The following LARGE1 variants were observed in gnomAD, a reference collection of about 807,000 sequenced individuals.
The protein encoded by LARGE1 is xylosyl- and glucuronyltransferase LARGE1.
In LARGE1, 43 loss-of-function variants were observed where a neutral mutation model predicts 87.6. That is an observed-to-expected ratio of 0.49 (90% CI 0.38 to 0.63). LARGE1 has a LOEUF of 0.63. Among genes scored for constraint, LARGE1 ranks in the 30% least tolerant of loss-of-function variants. The pLI, the probability that LARGE1 is intolerant of heterozygous loss-of-function variation, is 0.00. For synonymous variants in LARGE1, 434 were observed against 394.6 expected, an observed-to-expected ratio of 1.10 and a Z score of -1.18; for missense variants, 802 against 1,000.2, an observed-to-expected ratio of 0.80 and a Z score of 2.67.
chr22:33,650,370 G>A lies in LARGE1; in HGVS notation c.405C>T (p.Cys135=). 2 of 1,614,020 alleles carry A rather than the reference G, an allele frequency of 1.2e-6. No individual in the cohort carries two copies. The highest frequency in any genetic ancestry group is 8.5e-7 in the Non-Finnish European group (1 of 1,180,036). Residue 135 remains cysteine, a synonymous_variant, in exon 3 of 15, where the codon TGC becomes TGT. Transcript: ENST00000397394. ...CCAGGCTCCAGATGCCCTTTACCTCGCATTTCTCCACGACCGGCTGCTGCC... is the reference window on the plus strand; with the variant it reads ...CCAGGCTCCAGATGCCCTTTACCTCACATTTCTCCACGACCGGCTGCTGCC... ...ECGQQPVVEK[C]ETIHVAIVCA...
chr22:33,153,205 T>A, the LARGE1 span, among the ~76,000 whole-genome samples: 166 of 152,296 alleles, frequency 1.1e-3, no homozygotes, highest in Non-Finnish European at 2.1e-3. Flanking sequence ...TTATTTAAAT[T>A]TTTTTAGGCA....
At chr22:33,233,419 G>A (rs1011485919) in intron 11 of LARGE1, among the ~76,000 whole-genome samples, 1 of 152,104 alleles carries the variant, frequency 6.6e-6, no homozygotes, top group Non-Finnish European at 1.5e-5. Context: ...ATGTCTACAG[G>A]TGTCATATGT....
chr22:33,918,090 G>A lies in LARGE1; in HGVS notation c.-83+1905C>T, dbSNP rs149122624. Among the ~76,000 whole-genome samples, 384 of 152,312 alleles carry A rather than the reference G, an allele frequency of 2.5e-3. 2 individuals carry two copies. Among genetic ancestry groups the A allele is most frequent in the African/African-American group, 8.8e-3 (366 of 41,574 alleles). On this transcript the variant is annotated intron_variant, in intron 1 of 14. Coordinates refer to ENST00000397394, the MANE Select transcript of LARGE1 (RefSeq NM_133642.5). ...GCAGCTCAGGAACCCAGAAACAAAGGAAACCTTCGTCACAACCTTCCCAAG... is the reference window on the plus strand; with the variant it reads ...GCAGCTCAGGAACCCAGAAACAAAGAAAACCTTCGTCACAACCTTCCCAAG...
At position 33,475,053 on chromosome 22, in the gene LARGE1, G is replaced by C. The variant is rs188238356; in HGVS notation, c.788-42788C>G. ...CCACCATCTACAGGACATGCACCAG[G>C]GAGGGGGAGCCAGGCTGAATTTGGG... On this transcript the variant is annotated intron_variant, in intron 6 of 14. Transcript: ENST00000397394. 1.2e-4 allele frequency among the ~76,000 whole-genome samples: 18 copies of C among 152,276 alleles called. No homozygotes were observed. The East Asian group carries it at 3.5e-3, about 29-fold the overall frequency.
intron 13 of LARGE1, among the ~76,000 whole-genome samples, chr22:33,277,820 C>T (rs1460983286): frequency 6.6e-6 from 1 of 152,210 alleles, no homozygotes. Context: ...GCACATTTCA[C>T]TAACGAGGAG....
chr22:33,328,654 T>C (rs1465886905), intron 10 of LARGE1, among the ~76,000 whole-genome samples: 7 of 151,566 alleles, frequency 4.6e-5, no homozygotes, highest in South Asian at 4.2e-4. Context: ...AGGAACTACC[T>C]TGAAGGGTTA....
intron 4 of LARGE1, among the ~76,000 whole-genome samples, chr22:33,616,687 T>C (rs1453399871): frequency 6.6e-6 from 1 of 152,300 alleles, no homozygotes; most frequent in East Asian, 1.9e-4. Flanking sequence ...TTTGACAACA[T>C]TCTGCCATAT....
chr22:33,691,525 T>A (rs190313719), intron 2 of LARGE1, among the ~76,000 whole-genome samples: 1 of 152,122 alleles, frequency 6.6e-6, no homozygotes, highest in Non-Finnish European at 1.5e-5. Flanking sequence ...AAGACTGGAA[T>A]ATGGCTCCTC....
rs188045711 is a variant in LARGE1 at position 33,178,407 on chromosome 22, C to T, written c.1731-11575G>A. 7.9e-5 allele frequency among the ~76,000 whole-genome samples: 12 copies of T among 152,184 alleles called. No homozygotes were observed. The East Asian group carries it at 2.3e-3, about 29-fold the overall frequency. ...TTTTGATGTTGAAACACACAAGCAT[C>T]CTGTGAAGGTGATACTCATGAAGAA... On this transcript the variant is annotated intron_variant, in intron 11 of 11. Coordinates refer to the LARGE1 transcript ENST00000608642.
chr22:33,459,887 C>T (rs1266018339), intron 6 of LARGE1, among the ~76,000 whole-genome samples: 15 of 146,510 alleles, frequency 1.0e-4, no homozygotes, highest in East Asian at 4.1e-4. Context: ...ACAATGCTGG[C>T]AAGTTCCTGC....
intron 1 of LARGE1, among the ~76,000 whole-genome samples, chr22:33,796,321 C>T (rs943317201): frequency 6.6e-6 from 1 of 152,178 alleles, no homozygotes; most frequent in African/African-American, 2.4e-5. Context: ...GGAGAATACG[C>T]AGCTAGGGAT....
chr22:33,371,233 T>C (rs963830163), intron 9 of LARGE1, among the ~76,000 whole-genome samples: 6 of 151,934 alleles, frequency 3.9e-5, no homozygotes, highest in African/African-American at 7.2e-5. Flanking sequence ...ATAAAATATA[T>C]AGTAATTAAC....
intron 1 of LARGE1, among the ~76,000 whole-genome samples, chr22:33,892,300 C>T (rs986497143): frequency 1.3e-5 from 2 of 152,116 alleles, no homozygotes; most frequent in African/African-American, 4.8e-5. Context: ...GAATTGGCTG[C>T]GTGGCTCTGC....
chr22:33,526,530 G>GT (rs2071904854), intron 6 of LARGE1, among the ~76,000 whole-genome samples: 1 of 152,248 alleles, frequency 6.6e-6, no homozygotes. Flanking sequence ...TGGACTAAGG[G>GT]TTTTGCTTGT....
intron 6 of LARGE1, among the ~76,000 whole-genome samples, chr22:33,491,107 A>G (rs1221163177): frequency 6.6e-6 from 1 of 152,154 alleles, no homozygotes; most frequent in Non-Finnish European, 1.5e-5. Context: ...AGGACAACAC[A>G]AAGCTGCTTT....
At chr22:33,557,579 A>G (rs763760258) in intron 6 of LARGE1, among the ~76,000 whole-genome samples, 1 of 152,024 alleles carries the variant, frequency 6.6e-6, no homozygotes, top group Non-Finnish European at 1.5e-5. Context: ...TTATTTATTT[A>G]TTTTTTGAGA....
chr22:33,626,477 T>G, intron 3 of LARGE1, 151 bp from the exon 4 acceptor site: 2 of 680,952 alleles, frequency 2.9e-6, no homozygotes, highest in East Asian at 5.5e-5. Context: ...GGAAAATAAC[T>G]CAAGACAGTT....
chr22:33,730,397 T>C (rs1296644199), intron 2 of LARGE1, among the ~76,000 whole-genome samples: 1 of 152,196 alleles, frequency 6.6e-6, no homozygotes, highest in African/African-American at 2.4e-5. Flanking sequence ...AAGTCAAAAG[T>C]TATATGCATC....
the LARGE1 span, among the ~76,000 whole-genome samples, chr22:33,081,550 G>A: frequency 1.3e-5 from 2 of 152,142 alleles, no homozygotes; most frequent in Non-Finnish European, 2.9e-5. Flanking sequence ...GGGAAGCAGA[G>A]GCCAAGTCAT....
Sources: gnomAD v4.1 joint callset for allele counts (sites outside exome capture counted in the v4.1 genomes callset) on GRCh38, gnomAD v4.1.1 for gene constraint, MANE v1.5 for transcripts, NCBI Gene and HGNC (gene_info 2026-07-23, HGNC 2026-07-21) for gene names.